GATM: variants seen among roughly 807,000 people sequenced by gnomAD.
GATM encodes glycine amidinotransferase.
Under a neutral mutation model 54.2 loss-of-function variants are expected in GATM, and 23 were observed. The ratio of observed to expected loss-of-function variants is 0.42; its 90% confidence interval spans 0.31 to 0.60. The LOEUF is 0.60. GATM is among the 20% of genes least tolerant of loss of function. The pLI, the probability that GATM is intolerant of heterozygous loss-of-function variation, is 0.14. For synonymous variants in GATM, 168 were observed against 183.1 expected (o/e 0.92, Z 0.67); for missense variants, 401 against 544.9 (o/e 0.74, Z 2.63).
At chr15:45,399,861 T>C (rs1043706225) in intron 1 of GATM, among the ~76,000 whole-genome samples, 4 of 147,740 alleles carry the variant, frequency 2.7e-5, no homozygotes, top group African/African-American at 1.1e-4. Flanking sequence ...ATTCATAGAA[T>C]TAACAAATTT....
At position 45,378,285 on chromosome 15, in the gene GATM, G is replaced by C. The variant is rs1030318072; in HGVS notation, c.69+100C>G. 1.5e-5 allele frequency: 13 copies of C among 878,828 alleles called. No individual in the cohort carries two copies. The Admixed American group carries it at 2.8e-4, about 19-fold the overall frequency. 54.4% of individuals were successfully genotyped at this position (878,828 alleles called of 1,614,324 possible). A position where few individuals can be genotyped will look rare whatever the true frequency, so the allele number is the denominator to read the frequency against. On this transcript the variant is annotated intron_variant, in intron 1 of 8. Coordinates refer to ENST00000396659, the MANE Select transcript of GATM (RefSeq NM_001482.3). ...GCAATTCCGGCTAGGGAAAGCGAGG[G>C]AAGGTGGCGGCTCCGGGCAGGGAGC...
chr15:45,383,104 G>A (rs139066135), upstream of GATM, among the ~76,000 whole-genome samples: 1 of 152,146 alleles, frequency 6.6e-6, no homozygotes, highest in South Asian at 2.1e-4. Context: ...CACAGCCAGA[G>A]TCCTTAATCA....
At position 45,361,838 on chromosome 15, in the gene GATM, G is replaced by A; in HGVS notation, c.*271C>T. Reference sequence around the variant, plus strand: ...AATTATTAGTGGCCAAGTTACTCAGGTGACTAATTTTTTCTTGGTACACAT... The same window carrying A: ...AATTATTAGTGGCCAAGTTACTCAGATGACTAATTTTTTCTTGGTACACAT... On this transcript the variant is annotated 3_prime_UTR_variant, in exon 9 of 9. Coordinates refer to ENST00000396659, the MANE Select transcript of GATM (RefSeq NM_001482.3). The A allele has an allele frequency of 1.9e-6, 1 of 521,666 alleles. No homozygotes were observed. Among genetic ancestry groups the A allele is most frequent in the Non-Finnish European group, 3.4e-6 (1 of 296,706 alleles). 32.3% of individuals were successfully genotyped at this position (521,666 alleles called of 1,614,324 possible).
At position 45,368,006 on chromosome 15, in the gene GATM, A is replaced by C; in HGVS notation, c.675+64T>G. 2 of 1,412,998 alleles carry C rather than the reference A, an allele frequency of 1.4e-6. No homozygotes were observed. The highest frequency in any genetic ancestry group is 2.0e-6 in the Non-Finnish European group (2 of 1,002,388). 87.5% of individuals were successfully genotyped at this position (1,412,998 alleles called of 1,614,324 possible). ...ATATACAAGGTATCAGAGAATCTCT[A>C]TCTTACTCTTTGTGGATCATTTAGA... On this transcript the variant is annotated intron_variant, in intron 4 of 8. Coordinates refer to ENST00000396659, the MANE Select transcript of GATM (RefSeq NM_001482.3). The surrounding 1 kb of genome is among the most constrained non-coding windows in gnomAD (Gnocchi z 5.1).
At chr15:45,380,165 G>A (rs575324961), upstream of GATM, 4 of 146,624 alleles carry the variant, frequency 2.7e-5, no homozygotes, top group African/African-American at 1.0e-4. Flanking sequence ...CGGGCATGGT[G>A]GTGGGTGCCT....
intron 3 of GATM, among the ~76,000 whole-genome samples, chr15:45,387,124 G>A (rs1889813098): frequency 6.6e-6 from 1 of 152,216 alleles, no homozygotes; most frequent in Admixed American, 6.5e-5. Context: ...ATGAAGGCTT[G>A]ATTTAGTAAT....
chr15:45,400,284 G>A (rs1258501581), intron 1 of GATM, among the ~76,000 whole-genome samples: 3 of 152,152 alleles, frequency 2.0e-5, no homozygotes, highest in Non-Finnish European at 4.4e-5. Flanking sequence ...GTCATTGAAT[G>A]GCATGATAAA....
In GATM at chr15:45,361,856, G is replaced by A; in HGVS notation, c.*253C>T. The stretch of plus-strand genomic sequence containing the variant: ...TACTCAGGTGACTAATTTTTTCTTG[G>A]TACACATTCACCAAAATTTTATACT... On this transcript the variant is annotated 3_prime_UTR_variant, in exon 9 of 9. Coordinates refer to ENST00000396659, the MANE Select transcript of GATM (RefSeq NM_001482.3). 1.8e-6 allele frequency: 1 copy of A among 549,708 alleles called. No homozygotes were observed. Among genetic ancestry groups the A allele is most frequent in the Non-Finnish European group, 3.2e-6 (1 of 311,654 alleles). The allele number at this position is 549,708 out of a possible 1,614,324, so 34.1% of individuals were successfully genotyped here.
upstream of GATM, chr15:45,378,623 G>A (rs941770269): frequency 2.0e-6 from 1 of 504,448 alleles, no homozygotes; most frequent in Non-Finnish European, 3.4e-6. Flanking sequence ...TGGCTGCCGG[G>A]AACAGGTGGT....
intron 3 of GATM, among the ~76,000 whole-genome samples, chr15:45,395,185 T>A (rs1424475911): frequency 6.6e-6 from 1 of 152,188 alleles, no homozygotes; most frequent in Non-Finnish European, 1.5e-5. Context: ...ACAATCTCTA[T>A]CCTATCTGTA....
intron 3 of GATM, among the ~76,000 whole-genome samples, chr15:45,393,107 T>C (rs1430707538): frequency 6.6e-6 from 1 of 152,228 alleles, no homozygotes; most frequent in Non-Finnish European, 1.5e-5. Flanking sequence ...TAGCAAATGG[T>C]AGGAGCTCAA....
intron 4 of GATM, 87 bp downstream of exon 4, chr15:45,367,983 A>G: frequency 8.7e-7 from 1 of 1,154,038 alleles, no homozygotes; most frequent in Admixed American, 1.9e-5. Context: ...TGCATAATAT[A>G]TACAAGGTAT....
intron 2 of GATM, among the ~76,000 whole-genome samples, chr15:45,398,110 T>C (rs954579014): frequency 3.3e-5 from 5 of 152,244 alleles, no homozygotes; most frequent in Non-Finnish European, 5.9e-5. Context: ...TGTTTACTTC[T>C]TCAATGTTTG....
At chr15:45,390,379 G>A (rs1465034898) in intron 3 of GATM, among the ~76,000 whole-genome samples, 1 of 152,120 alleles carries the variant, frequency 6.6e-6, no homozygotes, top group Non-Finnish European at 1.5e-5. Flanking sequence ...GAAGGAGCTA[G>A]GTGACAAAAA....
intron 4 of GATM, among the ~76,000 whole-genome samples, chr15:45,367,127 G>C (rs996120002): frequency 6.6e-6 from 1 of 152,098 alleles, no homozygotes; most frequent in Non-Finnish European, 1.5e-5. Context: ...GATCACCTGA[G>C]GTCAGGAGTT....
intron 3 of GATM, chr15:45,396,318 A>G (rs543135839): frequency 6.6e-6 from 1 of 152,324 alleles, no homozygotes; most frequent in East Asian, 1.9e-4. Flanking sequence ...TCATTTAGAT[A>G]AACTAAATTG....
upstream of GATM, among the ~76,000 whole-genome samples, chr15:45,383,227 C>T (rs1243266295): frequency 2.0e-5 from 3 of 152,232 alleles, no homozygotes; most frequent in African/African-American, 7.2e-5. Context: ...GCAGCCTCTG[C>T]ACTGTCCCTT....
chr15:45,380,745 T>C (rs1162732453), upstream of GATM, among the ~76,000 whole-genome samples: 1 of 152,128 alleles, frequency 6.6e-6, no homozygotes, highest in East Asian at 1.9e-4. Context: ...TTTTACATAA[T>C]GAAAAACTCA....
chr15:45,388,184 G>C (rs986205024), intron 3 of GATM, among the ~76,000 whole-genome samples: 4 of 152,086 alleles, frequency 2.6e-5, no homozygotes, highest in African/African-American at 9.7e-5. Context: ...TAGGTATTCT[G>C]CACAAGTCAG....
Sources: gnomAD v4.1 joint callset for allele counts (sites outside exome capture counted in the v4.1 genomes callset) on GRCh38, gnomAD v4.1.1 for gene constraint, Gnocchi (gnomAD v3.1) non-coding constraint, MANE v1.5 for transcripts, NCBI Gene and HGNC (gene_info 2026-07-23, HGNC 2026-07-21) for gene names.